Variants in ZMIZ1 observed in about 807,000 individuals in gnomAD.
ZMIZ1 encodes zinc finger MIZ-type containing 1, also known as zinc finger MIZ domain-containing protein 1.
A neutral mutation model predicts 113.9 loss-of-function variants in ZMIZ1; 17 were observed. The ratio of observed to expected loss-of-function variants is 0.15; its 90% CI spans 0.10 to 0.22. ZMIZ1 has a LOEUF of 0.22. ZMIZ1 is among the 10% of genes least tolerant of loss of function. ZMIZ1 has a pLI of 1.00. For missense variants in ZMIZ1, 1,059 were observed against 1,477.8 expected (o/e 0.72, Z 4.65); for synonymous variants, 607 against 603.1 (o/e 1.01, Z -0.09).
intron 4 of ZMIZ1, among the ~76,000 whole-genome samples, chr10:79,191,837 T>C (rs566411145): frequency 2.0e-5 from 3 of 152,362 alleles, no homozygotes; most frequent in Admixed American, 1.3e-4. Context: ...TCATCTGTAG[T>C]AGCCTCTGTT....
chr10:79,081,979 A>T (rs1842674420), intron 1 of ZMIZ1, among the ~76,000 whole-genome samples: 1 of 152,254 alleles, frequency 6.6e-6, no homozygotes, highest in Admixed American at 6.5e-5. Context: ...ACGAGGTCAC[A>T]CGACAAGTCC....
At position 79,275,120 on chromosome 10, in the gene ZMIZ1, G is replaced by C. The variant is rs1589541418; in HGVS notation, c.281-2061G>C. Reference sequence around the variant, plus strand: ...ACAAGAGGCGGTACCTAGGGGCCTGGGAGAAGGATGGAGTGGGCTGGAGGC... The same window carrying C: ...ACAAGAGGCGGTACCTAGGGGCCTGCGAGAAGGATGGAGTGGGCTGGAGGC... On this transcript the variant is annotated intron_variant, in intron 7 of 24. Transcript: ENST00000334512. Among the ~76,000 whole-genome samples the C allele has an allele frequency of 5.2e-5, 8 of 152,384 alleles. No homozygotes were observed. In the South Asian group the frequency reaches 1.7e-3, roughly 32 times the overall value.
At chr10:79,155,318 C>T (rs1019284032) in intron 3 of ZMIZ1, among the ~76,000 whole-genome samples, 11 of 152,214 alleles carry the variant, frequency 7.2e-5, no homozygotes, top group Non-Finnish European at 1.6e-4. Flanking sequence ...GGACAGCTTT[C>T]CCCCTCCCTT....
At chr10:79,076,363 G>T (rs1359158912) in intron 1 of ZMIZ1, among the ~76,000 whole-genome samples, 3 of 152,166 alleles carry the variant, frequency 2.0e-5, no homozygotes, top group Admixed American at 6.5e-5. Flanking sequence ...CTGAACCTTG[G>T]GGGTGGGGTT....
intron 7 of ZMIZ1, among the ~76,000 whole-genome samples, chr10:79,248,907 C>T (rs753075672): frequency 3.1e-4 from 47 of 151,820 alleles, no homozygotes; most frequent in Non-Finnish European, 6.9e-4. Context: ...GTCTCCCACC[C>T]TCCCAGGGCT....
Position 79,312,875 on chromosome 10 carries a change from G to T in ZMIZ1, c.*126G>T, listed in dbSNP as rs559679181. On this transcript the variant is annotated 3_prime_UTR_variant, in exon 25 of 25. Transcript: ENST00000334512. ...CCAGAGCCACGGGCTGTGGGGCGGG[G>T]AGCCCTCCCCCGCTGCAGCCCTCTC... The T allele has an allele frequency of 3.5e-4, 297 of 839,562 alleles. 2 individuals carry two copies. In the South Asian group the frequency reaches 4.4e-3, roughly 13 times the overall value. 52.0% of individuals were successfully genotyped at this position (839,562 alleles called of 1,614,324 possible). A position where few individuals can be genotyped will look rare whatever the true frequency, so the allele number is the denominator to read the frequency against.
chr10:79,123,941 A>G (rs1348549924), intron 2 of ZMIZ1, among the ~76,000 whole-genome samples: 1 of 152,232 alleles, frequency 6.6e-6, no homozygotes, highest in Non-Finnish European at 1.5e-5. Flanking sequence ...CCAGCTGAGA[A>G]TGCACACCTC....
chr10:79,187,708 G>T (rs938465944), intron 4 of ZMIZ1, among the ~76,000 whole-genome samples: 2 of 152,210 alleles, frequency 1.3e-5, no homozygotes, highest in African/African-American at 4.8e-5. Context: ...GGGACCCCCA[G>T]GCCAGGATCC....
At chr10:79,219,158 G>C (rs1405297623) in intron 7 of ZMIZ1, among the ~76,000 whole-genome samples, 1 of 152,098 alleles carries the variant, frequency 6.6e-6, no homozygotes, top group Non-Finnish European at 1.5e-5. Context: ...GGAGACAGAG[G>C]GATATTTAAG....
In ZMIZ1 at chr10:79,118,448, C is replaced by T. The variant is rs533409105; in HGVS notation, c.-336-467C>T. Among the ~76,000 whole-genome samples the T allele has an allele frequency of 6.6e-5, 10 of 152,288 alleles. No individual in the cohort carries two copies. The highest frequency in any genetic ancestry group is 3.9e-4 in the East Asian group (2 of 5,174). ...GAGGAGGCAAGGTTGGCCAGGCGCA[C>T]AGCCCACTGGAGATGAACAAGCAAG... On this transcript the variant is annotated intron_variant, in intron 1 of 24. Transcript: ENST00000334512. The surrounding 1 kb of genome is among the most constrained non-coding windows in gnomAD (Gnocchi z 4.1).
At position 79,296,479 on chromosome 10, in the gene ZMIZ1, T is replaced by C. The variant is rs762521282; in HGVS notation, c.1239T>C (p.Tyr413=). ...TTTCTCTCCCACCACAGCCCAACTA[T>C]GGAAACCAGCAATATGGACCAAACA... ...IKRPYPGEPN[Y]GNQQYGPNSQ... is the part of the protein sequence containing the mutation. The change falls in exon 13 of 25, where the codon TAT becomes TAC. Residue 413 remains tyrosine (Y), a synonymous_variant. Transcript: ENST00000334512. This position sits in a 1 kb window ranked among gnomAD's most constrained non-coding sequence, Gnocchi z 4.1. 5.6e-6 allele frequency: 9 copies of C among 1,613,738 alleles called. No individual in the cohort carries two copies. The highest frequency in any genetic ancestry group is 6.8e-6 in the Non-Finnish European group (8 of 1,179,924).
At chr10:79,151,983 G>A (rs1845731745) in intron 3 of ZMIZ1, among the ~76,000 whole-genome samples, 1 of 152,220 alleles carries the variant, frequency 6.6e-6, no homozygotes, top group Non-Finnish European at 1.5e-5. Flanking sequence ...CCCCTGGGCT[G>A]CTCCACCAGG....
intron 15 of ZMIZ1, among the ~76,000 whole-genome samples, 188 bp from the exon 16 acceptor site, chr10:79,298,862 G>A (rs890511587): frequency 6.6e-6 from 1 of 152,198 alleles, no homozygotes; most frequent in Non-Finnish European, 1.5e-5. Context: ...TCGCTGGGGC[G>A]GGGCCGTGTA....
Position 79,228,059 on chromosome 10 carries a change from G to A in ZMIZ1, c.280+11785G>A, listed in dbSNP as rs373271989. ...CCATCCTGTCTGTGCCCTGGGTGAG[G>A]GAAACCTTGAGGGCTTCTGTCTCGC... On this transcript the variant is annotated intron_variant, in intron 7 of 24. Transcript: ENST00000334512. 3.9e-5 allele frequency among the ~76,000 whole-genome samples: 6 copies of A among 152,330 alleles called. No individual in the cohort carries two copies. In the East Asian group the frequency reaches 1.2e-3, roughly 29 times the overall value.
chr10:79,312,526 GC>G, intron 24 of ZMIZ1, 115 bp from the exon 25 acceptor site: 1 of 1,076,258 alleles, frequency 9.3e-7, no homozygotes, highest in Non-Finnish European at 1.4e-6. Context: ...CCTTTTTTTG[GC>G]TAGGGTCCTG....
chr10:79,142,656 A>G (rs963045604), intron 3 of ZMIZ1, among the ~76,000 whole-genome samples: 1 of 152,236 alleles, frequency 6.6e-6, no homozygotes, highest in Non-Finnish European at 1.5e-5. Flanking sequence ...ACTTGGCCAC[A>G]CAGGGGCTAG....
intron 4 of ZMIZ1, among the ~76,000 whole-genome samples, chr10:79,181,211 G>C (rs2132569905): frequency 6.6e-6 from 1 of 152,260 alleles, no homozygotes; most frequent in Middle Eastern, 3.4e-3. Flanking sequence ...GCCCTTCCCA[G>C]TGGGAAGGGG....
intron 2 of ZMIZ1, among the ~76,000 whole-genome samples, chr10:79,119,572 C>T (rs867481471): frequency 2.6e-5 from 4 of 152,190 alleles, no homozygotes; most frequent in Admixed American, 6.5e-5. Context: ...GGCTCCAGTG[C>T]GCCAGCCACT....
At chr10:79,164,625 C>T (rs1176817905) in intron 4 of ZMIZ1, among the ~76,000 whole-genome samples, 1 of 152,224 alleles carries the variant, frequency 6.6e-6, no homozygotes, top group Non-Finnish European at 1.5e-5. Context: ...CCTCAGGCCC[C>T]TTAGTGGCAA....
Sources: allele counts gnomAD v4.1 joint callset (sites outside exome capture counted in the v4.1 genomes callset), GRCh38; gene constraint gnomAD v4.1.1; non-coding constraint Gnocchi (gnomAD v3.1); transcripts MANE v1.5; gene names NCBI Gene and HGNC (gene_info 2026-07-23, HGNC 2026-07-21).